The following MCF2L2 variants were observed in gnomAD, a reference collection of about 807,000 sequenced individuals.
MCF2L2 encodes MCF.2 cell line derived transforming sequence-like 2, also known as probable guanine nucleotide exchange factor MCF2L2.
Under a neutral mutation model 150.2 loss-of-function variants are expected in MCF2L2, and 102 were observed. The observed-to-expected ratio is 0.68, with a 90% confidence interval of 0.58 to 0.80. MCF2L2 has a LOEUF of 0.80. Among genes scored for constraint, MCF2L2 ranks in the 30% least tolerant of loss-of-function variants. MCF2L2 has a pLI of 0.00. For synonymous variants in MCF2L2, 465 were observed against 491.3 expected, an observed-to-expected ratio of 0.95 and a Z score of 0.71; for missense variants, 1,256 against 1,372.8, an observed-to-expected ratio of 0.91 and a Z score of 1.34.
chr3:183,425,939 G>A (rs1295109362), intron 1 of MCF2L2, among the ~76,000 whole-genome samples: 1 of 150,182 alleles, frequency 6.7e-6, no homozygotes, highest in African/African-American at 2.5e-5. Context: ...TGGGCAACAA[G>A]AGCGAAACTC....
In MCF2L2 at chr3:183,257,958, CTTTTTTTTTT is replaced by C. The variant is rs35323502; in HGVS notation, c.1862+18904_1862+18913del. The stretch of plus-strand genomic sequence containing the variant: ...TATTCCTTGCTCCCTCCACTTCACC[CTTTTTTTTTT>C]TTTTTTTTTTTTTTTTTGAGACGGA... On this transcript the variant is annotated intron_variant, in intron 15 of 29. Transcript: ENST00000328913. Among the ~76,000 whole-genome samples the C allele has an allele frequency of 3.2e-4, 21 of 64,742 alleles. 1 individual carries two copies. The East Asian group carries it at 8.4e-3, about 26-fold the overall frequency. 42.5% of individuals were successfully genotyped at this position (64,742 alleles called of 152,430 possible). A position where few individuals can be genotyped will look rare whatever the true frequency, so the allele number is the denominator to read the frequency against.
At position 183,382,601 on chromosome 3, in the gene MCF2L2, G is replaced by A. The variant is rs184344692; in HGVS notation, c.161-3190C>T. Among the ~76,000 whole-genome samples, 7 of 152,132 alleles carry A rather than the reference G, an allele frequency of 4.6e-5. No individual in the cohort carries two copies. In the East Asian group the frequency reaches 1.2e-3, roughly 25 times the overall value. On this transcript the variant is annotated intron_variant, in intron 2 of 29. Coordinates refer to ENST00000328913, the MANE Select transcript of MCF2L2 (RefSeq NM_015078.4). ...ATCTAGTGCCACCTTCTGAGGAAAC[G>A]CGGTAATGCAATAGGAAGAAAGAAT...
Position 183,289,181 on chromosome 3 carries a change from T to A in MCF2L2, c.1715A>T (p.Tyr572Phe). Reference sequence around the variant, plus strand: ...CCGGGAGTTCAACTCTGTCTCCGTATAAGGTTCCTCAGACGTTCTCAGAGG... The same window carrying A: ...CCGGGAGTTCAACTCTGTCTCCGTAAAAGGTTCCTCAGACGTTCTCAGAGG... Reference protein sequence around the residue: ...ARPLRTSEEPYTETELNSRGK... With the variant: ...ARPLRTSEEPFTETELNSRGK... The change falls in exon 14 of 30, where the codon TAT (tyrosine) becomes TTT (phenylalanine). Residue 572 changes from tyrosine to phenylalanine, a missense_variant. Physicochemically the swap from Tyr to Phe is conservative, Grantham distance 22 (BLOSUM62 3). Transcript: ENST00000328913. 6.2e-7 allele frequency: 1 copy of A among 1,614,034 alleles called. No homozygotes were observed. The highest frequency in any genetic ancestry group is 8.5e-7 in the Non-Finnish European group (1 of 1,179,930).
At position 183,179,125 on chromosome 3, in the gene MCF2L2, C is replaced by A. The variant is rs1465289999; in HGVS notation, c.*255G>T. On this transcript the variant is annotated 3_prime_UTR_variant, in exon 30 of 30. Coordinates refer to ENST00000328913, the MANE Select transcript of MCF2L2 (RefSeq NM_015078.4). This position sits in a 1 kb window ranked among gnomAD's most constrained non-coding sequence, Gnocchi z 4.2. ...GGCTCCGAATATCGAAGTGCGCGGT[C>A]GAGAAGGCGTGGGCTGCGGGCTCTG... 5.0e-6 allele frequency: 2 copies of A among 398,724 alleles called. No individual in the cohort carries two copies. Among genetic ancestry groups the A allele is most frequent in the Non-Finnish European group, 8.7e-6 (2 of 229,158 alleles). The allele number at this position is 398,724 out of a possible 1,614,324, so 24.7% of individuals were successfully genotyped here.
intron 3 of MCF2L2, among the ~76,000 whole-genome samples, chr3:183,341,906 G>A (rs1213388378): frequency 6.6e-6 from 1 of 152,236 alleles, no homozygotes; most frequent in Non-Finnish European, 1.5e-5. Flanking sequence ...AAATATGCAC[G>A]TGTCAGGTGA....
intron 3 of MCF2L2, among the ~76,000 whole-genome samples, chr3:183,345,288 T>C (rs887371783): frequency 7.9e-5 from 12 of 152,118 alleles, no homozygotes; most frequent in Admixed American, 2.0e-4. Context: ...CACAACTACA[T>C]GGAATCTGAA....
intron 15 of MCF2L2, among the ~76,000 whole-genome samples, chr3:183,244,435 T>C (rs1443063876): frequency 2.0e-5 from 3 of 152,196 alleles, no homozygotes; most frequent in African/African-American, 7.2e-5. Context: ...ACTCCTCAGC[T>C]TGCAGATGCC....
At chr3:183,366,155 A>C (rs112907736) in intron 3 of MCF2L2, among the ~76,000 whole-genome samples, 1 of 152,318 alleles carries the variant, frequency 6.6e-6, no homozygotes, top group African/African-American at 2.4e-5. Flanking sequence ...AACCTACAAC[A>C]AAATAAACAG....
chr3:183,293,948 A>G (rs962962741), intron 13 of MCF2L2, among the ~76,000 whole-genome samples: 4 of 152,202 alleles, frequency 2.6e-5, no homozygotes, highest in African/African-American at 7.2e-5. Flanking sequence ...CCTAAAAAAC[A>G]TAAGTTATAA....
intron 3 of MCF2L2, among the ~76,000 whole-genome samples, chr3:183,366,148 C>G (rs958304218): frequency 2.6e-5 from 4 of 151,938 alleles, no homozygotes; most frequent in Admixed American, 1.3e-4. Flanking sequence ...AATTTCAAAC[C>G]TACAACAAAA....
At chr3:183,258,272 ACCCTTTAAG>A (rs1725268563) in intron 15 of MCF2L2, 1 of 152,714 alleles carries the variant, frequency 6.5e-6, no homozygotes, top group African/African-American at 2.4e-5. Context: ...GGCCCACTTC[ACCCTTTAAG>A]CCAGTTGAAA....
intron 10 of MCF2L2, among the ~76,000 whole-genome samples, chr3:183,300,971 C>A (rs1426316952): frequency 6.9e-6 from 1 of 144,686 alleles, no homozygotes; most frequent in Non-Finnish European, 1.5e-5. Flanking sequence ...ATTGAGATTG[C>A]GCCACTGCAC....
intron 5 of MCF2L2, among the ~76,000 whole-genome samples, chr3:183,333,961 CAAAAA>C (rs57368442): frequency 0.046 from 4,385 of 94,992 alleles, 232 homozygotes; most frequent in African/African-American, 0.12. Context: ...AAGGAAGTGC[CAAAAA>C]AAAAAAAAAA....
chr3:183,205,838 T>C (rs1393509810), intron 25 of MCF2L2, 38 bp downstream of exon 25: 2 of 1,504,738 alleles, frequency 1.3e-6, no homozygotes, highest in Non-Finnish European at 1.8e-6. Flanking sequence ...CTGAAATCAG[T>C]ATAACTCGAC....
intron 10 of MCF2L2, among the ~76,000 whole-genome samples, chr3:183,306,536 G>A (rs768153360): frequency 3.3e-5 from 5 of 152,204 alleles, no homozygotes; most frequent in Non-Finnish European, 5.9e-5. Flanking sequence ...GTGCCTACTA[G>A]GGAAGAAAGT....
intron 22 of MCF2L2, among the ~76,000 whole-genome samples, chr3:183,211,889 C>T (rs1477850221): frequency 6.6e-6 from 1 of 152,006 alleles, no homozygotes; most frequent in African/African-American, 2.4e-5. Context: ...TAGTGTTCCC[C>T]CAAAAACTCA....
At chr3:183,392,081 C>T (rs576571723) in intron 1 of MCF2L2, among the ~76,000 whole-genome samples, 5 of 152,020 alleles carry the variant, frequency 3.3e-5, no homozygotes, top group Admixed American at 6.5e-5. Flanking sequence ...GATGATGAAC[C>T]GAGAGAAAAA....
chr3:183,381,390 G>A (rs965281135), intron 2 of MCF2L2, among the ~76,000 whole-genome samples: 5 of 152,094 alleles, frequency 3.3e-5, no homozygotes, highest in Admixed American at 6.5e-5. Context: ...TCCAACCCAC[G>A]TTACCAGTCT....
intron 12 of MCF2L2, chr3:183,296,143 C>T (rs1728491376): frequency 6.6e-6 from 1 of 152,406 alleles, no homozygotes. Context: ...TCTTTGTGCC[C>T]AGGAAGCTGA....
Sources: allele counts gnomAD v4.1 joint callset (sites outside exome capture counted in the v4.1 genomes callset), GRCh38; gene constraint gnomAD v4.1.1; non-coding constraint Gnocchi (gnomAD v3.1); transcripts MANE v1.5; gene names NCBI Gene and HGNC (gene_info 2026-07-23, HGNC 2026-07-21).